The following B3GALT1 variants were observed in gnomAD, a reference collection of about 807,000 sequenced individuals.
B3GALT1 encodes UDP-Gal:betaGlcNAc beta 1,3-galactosyltransferase, polypeptide 1.
In B3GALT1, 10 loss-of-function variants were observed where a neutral mutation model predicts 23.2. The observed-to-expected ratio is 0.43, with a 90% CI of 0.27 to 0.73. The LOEUF (loss-of-function observed/expected upper bound fraction) is 0.73. Ranked by LOEUF, B3GALT1 falls within the 30% of genes least tolerant of loss-of-function variation. B3GALT1 has a pLI of 0.21. For missense variants in B3GALT1, 299 were observed against 405.4 expected, an observed-to-expected ratio of 0.74 and a Z score of 2.25; for synonymous variants, 156 against 141.5, an observed-to-expected ratio of 1.10 and a Z score of -0.73.
chr2:167,319,528 G>A (rs1336363942), intron 1 of B3GALT1, among the ~76,000 whole-genome samples: 1 of 152,038 alleles, frequency 6.6e-6, no homozygotes, highest in Non-Finnish European at 1.5e-5. Flanking sequence ...AAATAGAACA[G>A]TGTAAAGAAA....
chr2:167,821,054 C>T (rs937972543), intron 4 of B3GALT1, among the ~76,000 whole-genome samples: 12 of 152,262 alleles, frequency 7.9e-5, no homozygotes, highest in East Asian at 5.8e-4. Flanking sequence ...ATCCTAATGC[C>T]TTCCCAAGAG....
intron 3 of B3GALT1, among the ~76,000 whole-genome samples, chr2:167,692,974 G>A (rs1686737639): frequency 6.6e-6 from 1 of 151,754 alleles, no homozygotes; most frequent in Non-Finnish European, 1.5e-5. Context: ...AGGAAATGAA[G>A]GAAGACTGCA....
In B3GALT1 at chr2:167,794,193, C is replaced by T. The variant is rs188594469; in HGVS notation, c.-351-24479C>T. Among the ~76,000 whole-genome samples, 216 of 152,296 alleles carry T rather than the reference C, an allele frequency of 1.4e-3. 2 individuals carry two copies. Among genetic ancestry groups the T allele is most frequent in the Non-Finnish European group, 2.5e-3 (172 of 68,028 alleles). On this transcript the variant is annotated intron_variant, in intron 3 of 4. Coordinates refer to ENST00000392690, the MANE Select transcript of B3GALT1 (RefSeq NM_020981.4). ...TTTCTAGTATTTCTTGAAACACAAA[C>T]GTGTTCTTCTGCGTTTAACACTAGT...
intron 4 of B3GALT1, among the ~76,000 whole-genome samples, chr2:167,834,122 C>T (rs1689408484): frequency 1.3e-5 from 2 of 152,080 alleles, no homozygotes; most frequent in South Asian, 4.2e-4. Flanking sequence ...TAACAAAAGG[C>T]AGAGTTCAAA....
intron 2 of B3GALT1, among the ~76,000 whole-genome samples, chr2:167,635,400 A>G (rs1352660658): frequency 6.6e-6 from 1 of 152,030 alleles, no homozygotes; most frequent in Admixed American, 6.6e-5. Context: ...GAAAGAAAGG[A>G]AGTCAAATTG....
At chr2:167,479,014 A>G (rs1398097959) in intron 1 of B3GALT1, among the ~76,000 whole-genome samples, 1 of 152,088 alleles carries the variant, frequency 6.6e-6, no homozygotes, top group Admixed American at 6.6e-5. Context: ...CAGTGATCCT[A>G]GGTCGCGCCA....
intron 2 of B3GALT1, among the ~76,000 whole-genome samples, chr2:167,587,425 T>C (rs574714083): frequency 4.6e-4 from 70 of 152,350 alleles, no homozygotes; most frequent in Non-Finnish European, 7.3e-4. Flanking sequence ...TACAAACTTA[T>C]TATTATACTC....
intron 1 of B3GALT1, among the ~76,000 whole-genome samples, chr2:167,306,976 G>C (rs1696561549): frequency 6.6e-6 from 1 of 151,878 alleles, no homozygotes; most frequent in African/African-American, 2.4e-5. Flanking sequence ...AGGCAATTAT[G>C]ATCATATTTT....
At position 167,818,756 on chromosome 2, in the gene B3GALT1, G is replaced by T. The variant is rs13396351; in HGVS notation, c.-267G>T. Reference sequence around the variant, plus strand: ...CCATGCTTGATTTCCTGAACTTGTAGTAAGAAGAAGGAAAACACAGCACGC... The same window carrying T: ...CCATGCTTGATTTCCTGAACTTGTATTAAGAAGAAGGAAAACACAGCACGC... On this transcript the variant is annotated 5_prime_UTR_variant, in exon 4 of 5. An upstream open reading frame in the 5' UTR loses its in-frame stop. Transcript: ENST00000392690. Among the ~76,000 whole-genome samples the T allele has an allele frequency of 5.3e-5, 8 of 152,188 alleles. No individual in the cohort carries two copies. Among genetic ancestry groups the T allele is most frequent in the Admixed American group, 3.3e-4 (5 of 15,288 alleles).
intron 1 of B3GALT1, among the ~76,000 whole-genome samples, chr2:167,305,294 C>G (rs1236986651): frequency 6.6e-6 from 1 of 152,108 alleles, no homozygotes; most frequent in Non-Finnish European, 1.5e-5. Context: ...TCTTGGAGGA[C>G]TGTCAAAGTT....
intron 1 of B3GALT1, among the ~76,000 whole-genome samples, chr2:167,473,336 A>G (rs1452169031): frequency 6.6e-6 from 1 of 152,134 alleles, no homozygotes; most frequent in African/African-American, 2.4e-5. Context: ...CTAGGCAACA[A>G]ACTTTGTTGT....
At chr2:167,703,558 A>T (rs905289505) in intron 3 of B3GALT1, among the ~76,000 whole-genome samples, 1 of 152,214 alleles carries the variant, frequency 6.6e-6, no homozygotes, top group Non-Finnish European at 1.5e-5. Flanking sequence ...GTTAGAATAG[A>T]TGACATCTGC....
At chr2:167,773,112 A>G (rs925059314) in intron 3 of B3GALT1, among the ~76,000 whole-genome samples, 34 of 152,182 alleles carry the variant, frequency 2.2e-4, no homozygotes, top group East Asian at 1.9e-4. Flanking sequence ...TTTTAATTCA[A>G]TAAGTGTTTT....
At chr2:167,355,964 C>T (rs888672085) in intron 1 of B3GALT1, among the ~76,000 whole-genome samples, 5 of 151,928 alleles carry the variant, frequency 3.3e-5, no homozygotes, top group Admixed American at 2.0e-4. Context: ...GAGATCAAAC[C>T]CTAGTGCTAA....
intron 2 of B3GALT1, among the ~76,000 whole-genome samples, chr2:167,498,909 G>A (rs1007502888): frequency 1.3e-5 from 2 of 152,086 alleles, no homozygotes; most frequent in Admixed American, 1.3e-4. Flanking sequence ...TTACTTCTCT[G>A]AAGAGTGTTT....
intron 3 of B3GALT1, among the ~76,000 whole-genome samples, chr2:167,703,783 T>C (rs549238799): frequency 1.3e-5 from 2 of 152,128 alleles, no homozygotes; most frequent in Admixed American, 6.5e-5. Context: ...GAAACCTCAA[T>C]TGAAACTAGA....
chr2:167,683,767 A>G (rs185097250), intron 3 of B3GALT1, among the ~76,000 whole-genome samples: 80 of 152,210 alleles, frequency 5.3e-4, no homozygotes, highest in African/African-American at 1.8e-3. Context: ...ACACACACAC[A>G]TCAAAGACAA....
In B3GALT1 at chr2:167,722,595, G is replaced by GA. The variant is rs538416439; in HGVS notation, c.-352+75631dup. ...ACTCCTGCGTATCCTTAATACCACT[G>GA]AAGCCAGAATTTTACATAATAATTG... On this transcript the variant is annotated intron_variant, in intron 3 of 4. Transcript: ENST00000392690. 3.3e-5 allele frequency among the ~76,000 whole-genome samples: 5 copies of GA among 152,222 alleles called. No individual in the cohort carries two copies. In the East Asian group the frequency reaches 9.6e-4, roughly 29 times the overall value.
At chr2:167,835,469 G>T (rs573161968) in intron 4 of B3GALT1, among the ~76,000 whole-genome samples, 1 of 152,234 alleles carries the variant, frequency 6.6e-6, no homozygotes, top group African/African-American at 2.4e-5. Flanking sequence ...AAGTGGCAGC[G>T]AGGCTGGGGG....
Sources: allele counts gnomAD v4.1 joint callset (sites outside exome capture counted in the v4.1 genomes callset), GRCh38; gene constraint gnomAD v4.1.1; transcripts MANE v1.5; gene names NCBI Gene and HGNC (gene_info 2026-07-23, HGNC 2026-07-21).